GADL1: variants seen among roughly 807,000 people sequenced by gnomAD.
GADL1 encodes GAD like acidic amino acid decarboxylase 1.
GADL1 carries 71 observed loss-of-function variants against 69.5 expected under a neutral mutation model. That is an observed-to-expected ratio of 1.02 (90% CI 0.84 to 1.25). The LOEUF (loss-of-function observed/expected upper bound fraction) is 1.25, where lower values mean the gene tolerates loss of function less well. Ranked by LOEUF, GADL1 falls within the 50% of genes most tolerant of loss-of-function variation. The pLI, the probability that GADL1 is intolerant of heterozygous loss-of-function variation, is 0.00. For synonymous variants in GADL1, 254 were observed against 214.4 expected, an observed-to-expected ratio of 1.18 and a Z score of -1.62; for missense variants, 737 against 631.8, an observed-to-expected ratio of 1.17 and a Z score of -1.79.
rs1385940564 is a variant in GADL1 at position 30,861,755 on chromosome 3, A to C, written c.48T>G (p.Asp16Glu). ...TCTTACTTGGAATCATCTCTTGTTG[A>C]TCAATATCTCCTGGAAGCAAGCAAA... ...DRQCPVDGDI[D>E]QQEMIPSKKN... The change falls in exon 2 of 15, where the codon GAT (aspartate) becomes GAG (glutamate). Residue 16 changes from aspartate (D) to glutamate (E), a missense_variant. Transcript: ENST00000282538. The C allele has an allele frequency of 6.5e-7, 1 of 1,544,950 alleles. No homozygotes were observed. The highest frequency in any genetic ancestry group is 8.7e-7 in the Non-Finnish European group (1 of 1,143,638).
chr3:30,890,162 G>T (rs1186782032), intron 1 of GADL1, among the ~76,000 whole-genome samples: 1 of 152,104 alleles, frequency 6.6e-6, no homozygotes, highest in Non-Finnish European at 1.5e-5. Flanking sequence ...GGAGGCAAAG[G>T]TGAATATAAA....
At chr3:30,819,100 G>A (rs1233379355) in intron 11 of GADL1, among the ~76,000 whole-genome samples, 1 of 151,916 alleles carries the variant, frequency 6.6e-6, no homozygotes, top group African/African-American at 2.4e-5. Flanking sequence ...GATTGAGGGG[G>A]AGGCTTCCCA....
At position 30,887,374 on chromosome 3, in the gene GADL1, T is replaced by G. The variant is rs72852603; in HGVS notation, c.37+7204A>C. On this transcript the variant is annotated intron_variant, in intron 1 of 14. Transcript: ENST00000282538. ...GGCTCTTTGAGAAAGCATTTATAGA[T>G]TATTGAGTTAATGAATTAATGGGTT... Among the ~76,000 whole-genome samples, 984 of 152,190 alleles carry G rather than the reference T, an allele frequency of 6.5e-3. 15 individuals carry two copies. Among genetic ancestry groups the G allele is most frequent in the African/African-American group, 0.023 (947 of 41,526 alleles).
At chr3:30,838,896 G>A (rs756085901) in intron 9 of GADL1, 101 bp downstream of exon 9, 12 of 662,766 alleles carry the variant, frequency 1.8e-5, no homozygotes, top group South Asian at 5.9e-5. Flanking sequence ...AAACAAAAGC[G>A]TTGGGGACTC....
chr3:30,890,187 G>A, intron 1 of GADL1, among the ~76,000 whole-genome samples: 1 of 152,130 alleles, frequency 6.6e-6, no homozygotes, highest in East Asian at 1.9e-4. Flanking sequence ...AGATTTAAAT[G>A]CAAAAATGAA....
At chr3:30,816,066 C>G (rs1319839565) in intron 11 of GADL1, among the ~76,000 whole-genome samples, 3 of 152,150 alleles carry the variant, frequency 2.0e-5, no homozygotes, top group Non-Finnish European at 4.4e-5. Context: ...CTTGTTTTAT[C>G]TGTTTATTGA....
chr3:30,811,492 C>T (rs1697355009), intron 11 of GADL1, among the ~76,000 whole-genome samples: 1 of 152,164 alleles, frequency 6.6e-6, no homozygotes, highest in South Asian at 2.1e-4. Flanking sequence ...ACAATCCACA[C>T]ACCTTCTCTA....
In GADL1 at chr3:30,812,151, C is replaced by T. The variant is rs141158690; in HGVS notation, c.1051-11063G>A. On this transcript the variant is annotated intron_variant, in intron 11 of 14. Coordinates refer to ENST00000282538, the MANE Select transcript of GADL1 (RefSeq NM_207359.3). Reference sequence around the variant, plus strand: ...AAGTGAAGAATGGCTTTATTCCGTGCAACCCAAAGAGAATGTGGGTTACAT... The same window carrying T: ...AAGTGAAGAATGGCTTTATTCCGTGTAACCCAAAGAGAATGTGGGTTACAT... 3.3e-3 allele frequency among the ~76,000 whole-genome samples: 508 copies of T among 152,280 alleles called. 1 individual carries two copies. The highest frequency in any genetic ancestry group is 0.012 in the African/African-American group (490 of 41,550).
At chr3:30,894,525 A>C in intron 1 of GADL1, 53 bp downstream of exon 1, 1 of 1,470,938 alleles carries the variant, frequency 6.8e-7, no homozygotes, top group Non-Finnish European at 9.3e-7. Context: ...AGGAGATTAA[A>C]ACCCAGACAG....
chr3:30,854,766 A>G lies in GADL1; in HGVS notation c.361T>C (p.Leu121=). The part of the protein sequence containing the change: ...KTNHPRFFNQ[L]YAGLDYYSLV... ...GAGTAATAATCAAGTCCAGCATACA[A>G]TTGGTTGAAAAATCTTGGGTGGTCT... The change falls in exon 4 of 15, where the codon TTG becomes CTG. Residue 121 remains leucine (L), a synonymous_variant. Coordinates refer to ENST00000282538, the MANE Select transcript of GADL1 (RefSeq NM_207359.3). 6.5e-7 allele frequency: 1 copy of G among 1,548,778 alleles called. No homozygotes were observed. Among genetic ancestry groups the G allele is most frequent in the South Asian group, 1.2e-5 (1 of 83,762 alleles).
intron 4 of GADL1, among the ~76,000 whole-genome samples, chr3:30,851,993 T>C (rs1479546592): frequency 6.6e-6 from 1 of 152,136 alleles, no homozygotes; most frequent in African/African-American, 2.4e-5. Flanking sequence ...TGATCTCCTT[T>C]TCAATTGAGG....
chr3:30,856,585 A>G (rs942532370), intron 3 of GADL1, among the ~76,000 whole-genome samples: 3 of 152,084 alleles, frequency 2.0e-5, no homozygotes, highest in African/African-American at 7.2e-5. Flanking sequence ...TTCCAAATAA[A>G]TCATTTCTGT....
intron 14 of GADL1, among the ~76,000 whole-genome samples, chr3:30,744,314 C>G (rs972038544): frequency 6.6e-6 from 1 of 152,138 alleles, no homozygotes; most frequent in African/African-American, 2.4e-5. Context: ...AGGCAACAAG[C>G]TGATGATTCT....
At chr3:30,785,088 C>T (rs1056681033) in intron 13 of GADL1, among the ~76,000 whole-genome samples, 2 of 152,086 alleles carry the variant, frequency 1.3e-5, no homozygotes, top group African/African-American at 4.8e-5. Flanking sequence ...ACCAAATAAG[C>T]CGTCCCCATT....
intron 12 of GADL1, chr3:30,800,111 C>A (rs1329798064): frequency 6.5e-6 from 1 of 153,048 alleles, no homozygotes; most frequent in African/African-American, 2.4e-5. Flanking sequence ...TTCAGCAGCA[C>A]CCCATTCTAC....
chr3:30,860,224 C>G (rs1698300552), intron 2 of GADL1, among the ~76,000 whole-genome samples: 1 of 151,884 alleles, frequency 6.6e-6, no homozygotes, highest in African/African-American at 2.4e-5. Flanking sequence ...AAGCATTTAT[C>G]ACATCCTTAC....
chr3:30,868,779 G>T (rs916393415), intron 1 of GADL1, among the ~76,000 whole-genome samples: 1 of 151,908 alleles, frequency 6.6e-6, no homozygotes. Context: ...TCCCATCCAA[G>T]TCTCTTTAAT....
chr3:30,753,165 A>G (rs563386045), intron 14 of GADL1, among the ~76,000 whole-genome samples: 10 of 152,250 alleles, frequency 6.6e-5, no homozygotes, highest in African/African-American at 2.4e-4. Flanking sequence ...ACCTTGCGAA[A>G]TATTAACCAC....
chr3:30,741,619 G>A (rs1016743159), intron 14 of GADL1, among the ~76,000 whole-genome samples: 10 of 152,012 alleles, frequency 6.6e-5, no homozygotes, highest in African/African-American at 2.4e-4. Context: ...TCTCCTAGAG[G>A]ACATCCAGAA....
Sources: allele counts gnomAD v4.1 joint callset (sites outside exome capture counted in the v4.1 genomes callset), GRCh38; gene constraint gnomAD v4.1.1; transcripts MANE v1.5; gene names NCBI Gene and HGNC (gene_info 2026-07-23, HGNC 2026-07-21).